Variants in KIAA1328 observed in about 807,000 individuals in gnomAD.
The protein encoded by KIAA1328 is KIAA1328.
Under a neutral mutation model 68.1 loss-of-function variants are expected in KIAA1328, and 52 were observed. That is an observed-to-expected ratio of 0.76 (90% CI 0.61 to 0.96). The LOEUF is 0.96. KIAA1328 is among the 40% of genes least tolerant of loss of function. The pLI, the probability that KIAA1328 is intolerant of heterozygous loss-of-function variation, is 0.00. For synonymous variants in KIAA1328, 232 were observed against 239.4 expected (o/e 0.97, Z 0.28); for missense variants, 641 against 677.6 (o/e 0.95, Z 0.60).
At chr18:36,842,560 AC>A (rs2046893209) in intron 3 of KIAA1328, among the ~76,000 whole-genome samples, 2 of 152,000 alleles carry the variant, frequency 1.3e-5, no homozygotes, top group Admixed American at 1.3e-4. Context: ...AGCTACCAGT[AC>A]CTCTAGAATT....
chr18:37,014,459 G>A (rs1463119825), intron 6 of KIAA1328, among the ~76,000 whole-genome samples: 2 of 152,172 alleles, frequency 1.3e-5, no homozygotes, highest in Non-Finnish European at 2.9e-5. Context: ...CTAGGATTCT[G>A]TATTAGTTTG....
chr18:36,857,973 C>T (rs1411772195), intron 4 of KIAA1328, among the ~76,000 whole-genome samples: 1 of 152,018 alleles, frequency 6.6e-6, no homozygotes, highest in Non-Finnish European at 1.5e-5. Flanking sequence ...TTTATTCTAT[C>T]ATTGTTTATA....
At chr18:36,960,777 A>G (rs1308492198) in intron 6 of KIAA1328, among the ~76,000 whole-genome samples, 1 of 152,186 alleles carries the variant, frequency 6.6e-6, no homozygotes, top group African/African-American at 2.4e-5. Context: ...AACATCAACA[A>G]AAAGGACATC....
At chr18:37,109,249 T>C (rs1240019269) in intron 7 of KIAA1328, among the ~76,000 whole-genome samples, 1 of 152,206 alleles carries the variant, frequency 6.6e-6, no homozygotes, top group Non-Finnish European at 1.5e-5. Flanking sequence ...ATGCAGACAC[T>C]GGTTTTAAAA....
chr18:37,082,756 T>C (rs759185097), intron 7 of KIAA1328, among the ~76,000 whole-genome samples: 18 of 152,214 alleles, frequency 1.2e-4, no homozygotes, highest in Non-Finnish European at 2.6e-4. Flanking sequence ...GGGTATTATT[T>C]TTGTGAGTCA....
chr18:37,136,835 C>T (rs946675130), intron 7 of KIAA1328, among the ~76,000 whole-genome samples: 1 of 152,138 alleles, frequency 6.6e-6, no homozygotes, highest in Non-Finnish European at 1.5e-5. Flanking sequence ...ACTTAAAGAG[C>T]TATTTTATTT....
chr18:36,980,570 C>G (rs2052644257), intron 6 of KIAA1328, among the ~76,000 whole-genome samples: 1 of 152,092 alleles, frequency 6.6e-6, no homozygotes, highest in Non-Finnish European at 1.5e-5. Context: ...TTTAGAATAT[C>G]TGGTGATTTT....
chr18:37,222,701 A>G lies in KIAA1328; in HGVS notation c.*474A>G, dbSNP rs1005246783. Reference sequence around the variant, plus strand: ...ATCTTTCTCATCCTGTTCTCTCACTACTACATTTCTGTAAGTGGTCCTTTA... The same window carrying G: ...ATCTTTCTCATCCTGTTCTCTCACTGCTACATTTCTGTAAGTGGTCCTTTA... On this transcript the variant is annotated 3_prime_UTR_variant, in exon 10 of 10. Transcript: ENST00000280020. The G allele has an allele frequency of 8.0e-6, 8 of 997,734 alleles. No homozygotes were observed. The highest frequency in any genetic ancestry group is 3.5e-5 in the African/African-American group (2 of 57,292). 61.8% of individuals were successfully genotyped at this position (997,734 alleles called of 1,614,324 possible). A position where few individuals can be genotyped will look rare whatever the true frequency, so the allele number is the denominator to read the frequency against.
intron 5 of KIAA1328, among the ~76,000 whole-genome samples, chr18:36,888,035 A>G (rs2048558923): frequency 6.6e-6 from 1 of 152,238 alleles, no homozygotes. Flanking sequence ...TCTCTGGGTC[A>G]AGATTAATTC....
intron 6 of KIAA1328, among the ~76,000 whole-genome samples, chr18:36,962,108 G>A (rs1369135067): frequency 6.6e-6 from 1 of 152,070 alleles, no homozygotes; most frequent in Non-Finnish European, 1.5e-5. Flanking sequence ...CAAAATAAAG[G>A]GATGGAGGAA....
chr18:37,175,198 A>G (rs923863229), intron 9 of KIAA1328, among the ~76,000 whole-genome samples: 1 of 152,222 alleles, frequency 6.6e-6, no homozygotes, highest in Admixed American at 6.5e-5. Context: ...GAATTTTCCT[A>G]TTGTTAAAGA....
chr18:36,846,900 C>T (rs2047049088), intron 4 of KIAA1328, among the ~76,000 whole-genome samples: 1 of 151,190 alleles, frequency 6.6e-6, no homozygotes, highest in Non-Finnish European at 1.5e-5. Context: ...TTTTTTATCA[C>T]AAACTGAAAT....
At chr18:36,936,217 A>G (rs578102984) in intron 5 of KIAA1328, among the ~76,000 whole-genome samples, 1 of 152,066 alleles carries the variant, frequency 6.6e-6, no homozygotes, top group East Asian at 1.9e-4. Flanking sequence ...TTACATAAGT[A>G]TACGTGTGAC....
intron 5 of KIAA1328, among the ~76,000 whole-genome samples, chr18:36,887,411 T>C (rs1027639929): frequency 1.3e-5 from 2 of 152,050 alleles, no homozygotes; most frequent in East Asian, 1.9e-4. Context: ...ATTATGGAGA[T>C]TCAGTGGTTT....
intron 7 of KIAA1328, among the ~76,000 whole-genome samples, chr18:37,110,282 A>C (rs1470151100): frequency 6.6e-6 from 1 of 152,196 alleles, no homozygotes; most frequent in East Asian, 1.9e-4. Flanking sequence ...TATACTACTG[A>C]AATATTTGTA....
chr18:36,927,253 G>C (rs1598735246), intron 5 of KIAA1328, among the ~76,000 whole-genome samples: 1 of 152,182 alleles, frequency 6.6e-6, no homozygotes, highest in Non-Finnish European at 1.5e-5. Context: ...ACTAATGATA[G>C]AGAAAACTGA....
chr18:36,918,810 A>G (rs1163959215), intron 5 of KIAA1328, among the ~76,000 whole-genome samples: 1 of 152,184 alleles, frequency 6.6e-6, no homozygotes, highest in Admixed American at 6.5e-5. Flanking sequence ...TATTTGCATT[A>G]TCATTCAGTT....
At chr18:37,170,690 G>C (rs2059483096) in intron 8 of KIAA1328, among the ~76,000 whole-genome samples, 1 of 152,112 alleles carries the variant, frequency 6.6e-6, no homozygotes, top group Non-Finnish European at 1.5e-5. Flanking sequence ...TATTACAGCA[G>C]CATAGCATAA....
intron 5 of KIAA1328, among the ~76,000 whole-genome samples, chr18:36,925,253 A>T (rs1157753223): frequency 6.6e-6 from 1 of 152,138 alleles, no homozygotes; most frequent in East Asian, 1.9e-4. Flanking sequence ...ACAGAAGATA[A>T]TAAAGATATA....
Sources: gnomAD v4.1 joint callset for allele counts (sites outside exome capture counted in the v4.1 genomes callset) on GRCh38, gnomAD v4.1.1 for gene constraint, MANE v1.5 for transcripts, NCBI Gene and HGNC (gene_info 2026-07-23, HGNC 2026-07-21) for gene names.